Variants in ADGRL3 observed in about 807,000 individuals in gnomAD.
The protein encoded by ADGRL3 is calcium-independent alpha-latrotoxin receptor 3.
In ADGRL3, 62 loss-of-function variants were observed where a neutral mutation model predicts 153.5. The ratio of observed to expected loss-of-function variants is 0.40; its 90% CI spans 0.33 to 0.50. The LOEUF (loss-of-function observed/expected upper bound fraction) is 0.50. Among genes scored for constraint, ADGRL3 ranks in the 20% least tolerant of loss-of-function variants. The pLI is 0.47. For missense variants in ADGRL3, 1,641 were observed against 1,859.4 expected, an observed-to-expected ratio of 0.88 and a Z score of 2.16; for synonymous variants, 710 against 672.5, an observed-to-expected ratio of 1.06 and a Z score of -0.86.
chr4:61,778,079 G>A (rs1356390396), intron 8 of ADGRL3, among the ~76,000 whole-genome samples: 2 of 152,184 alleles, frequency 1.3e-5, no homozygotes, highest in Non-Finnish European at 2.9e-5. Flanking sequence ...GACCTCATGT[G>A]ATAGATTGTG....
chr4:61,796,226 C>T (rs2097409924), intron 8 of ADGRL3, among the ~76,000 whole-genome samples: 1 of 152,190 alleles, frequency 6.6e-6, no homozygotes, highest in South Asian at 2.1e-4. Context: ...CCTGCACATG[C>T]TGCCACCTCT....
At chr4:61,588,083 A>T (rs1391948130) in intron 5 of ADGRL3, among the ~76,000 whole-genome samples, 1 of 151,776 alleles carries the variant, frequency 6.6e-6, no homozygotes, top group Non-Finnish European at 1.5e-5. Context: ...AATGCATATT[A>T]TATAAGGTTT....
At chr4:61,230,148 A>G (rs570060001) in intron 1 of ADGRL3, among the ~76,000 whole-genome samples, 72 of 152,262 alleles carry the variant, frequency 4.7e-4, no homozygotes, top group Non-Finnish European at 9.7e-4. Context: ...ATGATGGTGA[A>G]TAAAATGAAG....
In ADGRL3 at chr4:61,355,936, CCA is replaced by C. The variant is rs1337563971; in HGVS notation, c.-239-27187_-239-27186del. Among the ~76,000 whole-genome samples the C allele has an allele frequency of 1.2e-4, 18 of 151,732 alleles. No homozygotes were observed. In the South Asian group the frequency reaches 3.7e-3, roughly 32 times the overall value. On this transcript the variant is annotated intron_variant, in intron 1 of 26. Coordinates refer to ENST00000683033, the MANE Select transcript of ADGRL3 (RefSeq NM_001387552.1). ...GAAGCTCTTAATGTGTAATATGATT[CCA>C]GTTATTAATTTAAGTTTTAGTAAAA...
At chr4:62,001,307 G>A (rs1036106512) in intron 21 of ADGRL3, among the ~76,000 whole-genome samples, 4 of 152,058 alleles carry the variant, frequency 2.6e-5, no homozygotes, top group East Asian at 3.9e-4. Flanking sequence ...AGGAGGATCC[G>A]TTTCCACTGA....
At chr4:61,263,170 T>G (rs977631798) in intron 1 of ADGRL3, among the ~76,000 whole-genome samples, 3 of 152,026 alleles carry the variant, frequency 2.0e-5, no homozygotes, top group African/African-American at 7.2e-5. Context: ...ATATTCAAAT[T>G]TACGTTTTGC....
At chr4:61,935,668 A>G (rs1408182738) in intron 14 of ADGRL3, among the ~76,000 whole-genome samples, 4 of 152,152 alleles carry the variant, frequency 2.6e-5, no homozygotes, top group African/African-American at 2.4e-5. Context: ...ATGACAATGT[A>G]TTAGAATTTG....
chr4:61,632,947 A>G (rs373041089), intron 5 of ADGRL3, among the ~76,000 whole-genome samples: 85 of 152,322 alleles, frequency 5.6e-4, no homozygotes, highest in African/African-American at 2.0e-3. Flanking sequence ...GAGCTTCCCA[A>G]TATTAATGGG....
chr4:61,617,465 T>G (rs1304728593), intron 5 of ADGRL3, among the ~76,000 whole-genome samples: 1 of 152,170 alleles, frequency 6.6e-6, no homozygotes, highest in African/African-American at 2.4e-5. Flanking sequence ...ATGAACACTA[T>G]CTTTCCAGGT....
At chr4:61,570,334 T>A (rs1314506692) in intron 4 of ADGRL3, among the ~76,000 whole-genome samples, 1 of 152,166 alleles carries the variant, frequency 6.6e-6, no homozygotes, top group Non-Finnish European at 1.5e-5. Flanking sequence ...TTTCCTCAAA[T>A]CTTTCAGGGT....
intron 4 of ADGRL3, among the ~76,000 whole-genome samples, chr4:61,557,987 A>G (rs1329883674): frequency 6.6e-5 from 10 of 151,524 alleles, no homozygotes; most frequent in Non-Finnish European, 2.9e-5. Context: ...CAACCTTGAT[A>G]TCGGGCTTGT....
At chr4:61,410,099 A>C (rs187650338) in intron 2 of ADGRL3, among the ~76,000 whole-genome samples, 5 of 152,110 alleles carry the variant, frequency 3.3e-5, no homozygotes, top group Non-Finnish European at 4.4e-5. Flanking sequence ...AAATTGTGAA[A>C]GTTTTTTTTT....
In ADGRL3 at chr4:61,432,610, CTTTCTTTCTTTCTTTCTTTCTTTCTT is replaced by C. The variant is rs1560622927; in HGVS notation, c.-174+49423_-174+49448del. Among the ~76,000 whole-genome samples, 31 of 67,832 alleles carry C rather than the reference CTTTCTTTCTTTCTTTCTTTCTTTCTT, an allele frequency of 4.6e-4. 4 individuals are homozygous for C. The highest frequency in any genetic ancestry group is 9.0e-4 in the Non-Finnish European group (29 of 32,376). 44.5% of individuals were successfully genotyped at this position (67,832 alleles called of 152,430 possible). On this transcript the variant is annotated intron_variant, in intron 2 of 26. Coordinates refer to ENST00000683033, the MANE Select transcript of ADGRL3 (RefSeq NM_001387552.1). ...TCTTTCTTTCTTTCTTTCTTTCTTT[CTTTCTTTCTTTCTTTCTTTCTTTCTT>C]TCTTTCTTTCTTTCTTTCTTTTTTT...
At chr4:61,599,818 A>G (rs981136593) in intron 5 of ADGRL3, among the ~76,000 whole-genome samples, 1 of 152,104 alleles carries the variant, frequency 6.6e-6, no homozygotes, top group African/African-American at 2.4e-5. Context: ...TTCTGCAGCC[A>G]CTTCTGAGGC....
chr4:61,325,217 C>A (rs1187124116), intron 1 of ADGRL3, among the ~76,000 whole-genome samples: 1 of 152,022 alleles, frequency 6.6e-6, no homozygotes, highest in Non-Finnish European at 1.5e-5. Context: ...GAGGCTGAGG[C>A]AGGAGAATCG....
chr4:61,339,990 C>T (rs1327277746), intron 1 of ADGRL3, among the ~76,000 whole-genome samples: 3 of 152,160 alleles, frequency 2.0e-5, no homozygotes, highest in Non-Finnish European at 4.4e-5. Flanking sequence ...GATCCCTGTT[C>T]AGGATAAATC....
At chr4:61,272,567 A>G (rs2149808094) in intron 1 of ADGRL3, among the ~76,000 whole-genome samples, 1 of 152,218 alleles carries the variant, frequency 6.6e-6, no homozygotes, top group African/African-American at 2.4e-5. Context: ...GAAATGCCCT[A>G]TTCTAACATT....
At chr4:61,589,332 G>C (rs2098959807) in intron 5 of ADGRL3, among the ~76,000 whole-genome samples, 1 of 152,044 alleles carries the variant, frequency 6.6e-6, no homozygotes, top group Admixed American at 6.6e-5. Context: ...TTGACTCTCT[G>C]AGAAAAGAAA....
At chr4:61,629,273 C>A (rs367941978) in intron 5 of ADGRL3, among the ~76,000 whole-genome samples, 1 of 152,186 alleles carries the variant, frequency 6.6e-6, no homozygotes, top group Non-Finnish European at 1.5e-5. Context: ...ATCTTCTTGG[C>A]AATGTAGTGA....
Sources: allele counts gnomAD v4.1 joint callset (sites outside exome capture counted in the v4.1 genomes callset), GRCh38; gene constraint gnomAD v4.1.1; transcripts MANE v1.5; gene names NCBI Gene and HGNC (gene_info 2026-07-23, HGNC 2026-07-21).